Variants in CA5A observed in about 807,000 individuals in gnomAD.
The protein encoded by CA5A is carbonic anhydrase 5A, also known as carbonic anhydrase 5A, mitochondrial.
A neutral mutation model predicts 37.1 loss-of-function variants in CA5A; 28 were observed. That is an observed-to-expected ratio of 0.75 (90% CI 0.56 to 1.03). The LOEUF (loss-of-function observed/expected upper bound fraction) is 1.03. Among genes scored for constraint, CA5A ranks in the 50% least tolerant of loss-of-function variants. The pLI, the probability that CA5A is intolerant of heterozygous loss-of-function variation, is 0.00. For synonymous variants in CA5A, 171 were observed against 158.4 expected, an observed-to-expected ratio of 1.08 and a Z score of -0.60; for missense variants, 444 against 399.9, an observed-to-expected ratio of 1.11 and a Z score of -0.94.
chr16:87,919,400 G>C (rs1188721637), intron 2 of CA5A, among the ~76,000 whole-genome samples: 2 of 152,228 alleles, frequency 1.3e-5, no homozygotes, highest in Non-Finnish European at 1.5e-5. Flanking sequence ...CCAAAGCCGG[G>C]CCCCTGAGAA....
At chr16:87,893,246 G>C in intron 5 of CA5A, 2 of 412,006 alleles carry the variant, frequency 4.9e-6, no homozygotes, top group Admixed American at 7.5e-5. Context: ...TCCTGCCTCA[G>C]CCTCCCTAGT....
At chr16:87,893,133 T>C (rs2055748929) in intron 5 of CA5A, 2 of 521,184 alleles carry the variant, frequency 3.8e-6, no homozygotes, top group South Asian at 3.2e-5. Context: ...TTCCTTTCTT[T>C]CTTTCTTTCT....
chr16:87,935,585 A>C (rs2056459991), intron 1 of CA5A, among the ~76,000 whole-genome samples: 1 of 152,148 alleles, frequency 6.6e-6, no homozygotes, highest in Non-Finnish European at 1.5e-5. Context: ...TACAAGAGAA[A>C]CGGAGTGTGG....
intron 2 of CA5A, 45 bp downstream of exon 2, chr16:87,926,703 A>C: frequency 6.7e-7 from 1 of 1,503,008 alleles, no homozygotes; most frequent in Non-Finnish European, 9.2e-7. Context: ...CTGCTGCCAG[A>C]ACAACGGGAG....
intron 2 of CA5A, among the ~76,000 whole-genome samples, chr16:87,912,902 C>CA (rs2056072917): frequency 6.6e-6 from 1 of 152,144 alleles, no homozygotes; most frequent in Non-Finnish European, 1.5e-5. Flanking sequence ...CTGTCAGGGG[C>CA]AGCAGGAGAT....
At chr16:87,921,419 A>C (rs997336856) in intron 2 of CA5A, among the ~76,000 whole-genome samples, 2 of 152,158 alleles carry the variant, frequency 1.3e-5, no homozygotes, top group Non-Finnish European at 2.9e-5. Context: ...GCACTTTTTC[A>C]GGAGGGCCCT....
intron 2 of CA5A, among the ~76,000 whole-genome samples, chr16:87,925,059 C>G (rs2056285764): frequency 6.6e-6 from 1 of 152,348 alleles, no homozygotes; most frequent in East Asian, 1.9e-4. Flanking sequence ...AGACAAAGAC[C>G]TGCCCCAGCG....
At chr16:87,914,607 A>T (rs4441281) in intron 2 of CA5A, among the ~76,000 whole-genome samples, 69,716 of 151,374 alleles carry the variant, frequency 0.46, 16,884 homozygotes, top group South Asian at 0.57. Flanking sequence ...TGGGGAAGCC[A>T]GCAGGGAGGG....
intron 5 of CA5A, among the ~76,000 whole-genome samples, chr16:87,900,498 G>A (rs2055863505): frequency 1.3e-5 from 2 of 152,268 alleles, no homozygotes; most frequent in South Asian, 2.1e-4. Flanking sequence ...ACAGGTTGAA[G>A]CCTCATCCGT....
intron 2 of CA5A, among the ~76,000 whole-genome samples, chr16:87,914,243 G>T (rs181209725): frequency 6.6e-6 from 1 of 152,332 alleles, no homozygotes; most frequent in South Asian, 2.1e-4. Flanking sequence ...AGGAAGTCAC[G>T]GGTGACCATG....
intron 6 of CA5A, among the ~76,000 whole-genome samples, 175 bp from the exon 7 acceptor site, chr16:87,888,447 C>T (rs1254493066): frequency 3.3e-5 from 5 of 152,036 alleles, no homozygotes; most frequent in Non-Finnish European, 7.3e-5. Context: ...AAGGCATTGC[C>T]GCTTCCGCCT....
chr16:87,924,829 AG>A (rs1307942255), intron 2 of CA5A, among the ~76,000 whole-genome samples: 2 of 152,252 alleles, frequency 1.3e-5, no homozygotes, highest in Non-Finnish European at 1.5e-5. Flanking sequence ...GCGTGGAAGC[AG>A]GTCCGGGCAT....
intron 2 of CA5A, among the ~76,000 whole-genome samples, chr16:87,921,023 C>A (rs893364628): frequency 6.6e-6 from 1 of 152,036 alleles, no homozygotes; most frequent in African/African-American, 2.4e-5. Flanking sequence ...GAACTCCTGA[C>A]CTCAGGTGAT....
At chr16:87,930,545 C>T (rs1463726297) in intron 1 of CA5A, among the ~76,000 whole-genome samples, 1 of 151,976 alleles carries the variant, frequency 6.6e-6, no homozygotes, top group Non-Finnish European at 1.5e-5. Flanking sequence ...TTAAAGTGGA[C>T]GTGTTGTGAG....
intron 2 of CA5A, among the ~76,000 whole-genome samples, chr16:87,920,460 C>T (rs2056215162): frequency 6.6e-6 from 1 of 152,134 alleles, no homozygotes; most frequent in South Asian, 2.1e-4. Context: ...CAGGCATGCA[C>T]CACCACGCTC....
At chr16:87,913,715 C>T (rs1323302459) in intron 2 of CA5A, among the ~76,000 whole-genome samples, 1 of 151,844 alleles carries the variant, frequency 6.6e-6, no homozygotes, top group Non-Finnish European at 1.5e-5. Flanking sequence ...TCCTCCACCC[C>T]ACACTGCCCG....
At chr16:87,918,089 C>G (rs1484934298) in intron 2 of CA5A, among the ~76,000 whole-genome samples, 1 of 152,228 alleles carries the variant, frequency 6.6e-6, no homozygotes, top group African/African-American at 2.4e-5. Flanking sequence ...CAAGAGGTCC[C>G]TAGAGCCTCC....
intron 5 of CA5A, among the ~76,000 whole-genome samples, chr16:87,897,116 A>C (rs112515806): frequency 6.6e-6 from 1 of 152,192 alleles, no homozygotes; most frequent in African/African-American, 2.4e-5. Flanking sequence ...CGTGGGGCTC[A>C]GTAGGTGCTG....
At chr16:87,935,478 G>A (rs1277128748) in intron 1 of CA5A, among the ~76,000 whole-genome samples, 1 of 152,220 alleles carries the variant, frequency 6.6e-6, no homozygotes, top group Non-Finnish European at 1.5e-5. Context: ...GTGCCAGTGT[G>A]TCCCGTGCGA....
Sources: allele counts gnomAD v4.1 joint callset (sites outside exome capture counted in the v4.1 genomes callset), GRCh38; gene constraint gnomAD v4.1.1; transcripts MANE v1.5; gene names NCBI Gene and HGNC (gene_info 2026-07-23, HGNC 2026-07-21).